The following DOCK5 variants were observed in gnomAD, a reference collection of about 807,000 sequenced individuals.
DOCK5 encodes the protein dedicator of cytokinesis 5.
DOCK5 carries 142 observed loss-of-function variants against 251.8 expected under a neutral mutation model. The ratio of observed to expected loss-of-function variants is 0.56; its 90% CI spans 0.49 to 0.65. DOCK5 has a LOEUF of 0.65. Ranked by LOEUF, DOCK5 falls within the 30% of genes least tolerant of loss-of-function variation. The pLI is 0.00. For missense variants in DOCK5, 2,111 were observed against 2,312.3 expected (o/e 0.91, Z 1.79); for synonymous variants, 842 against 835.5 (o/e 1.01, Z -0.13).
At chr8:25,364,412 T>C (rs149302659) in intron 29 of DOCK5, among the ~76,000 whole-genome samples, 2 of 152,352 alleles carry the variant, frequency 1.3e-5, no homozygotes, top group East Asian at 3.9e-4. Context: ...AATTGGGATG[T>C]GGCCCTGAGT....
chr8:25,376,275 G>C lies in DOCK5; in HGVS notation c.3817-1030G>C, dbSNP rs1419396739. 4.1e-6 allele frequency: 4 copies of C among 985,032 alleles called. No homozygotes were observed. In the African/African-American group the frequency reaches 7.0e-5, roughly 17 times the overall value. The allele number at this position is 985,032 out of a possible 1,614,324, so 61.0% of individuals were successfully genotyped here. A position where few individuals can be genotyped will look rare whatever the true frequency, so the allele number is the denominator to read the frequency against. On this transcript the variant is annotated intron_variant, in intron 37 of 51. Transcript: ENST00000276440. ...TCTCCTATCCTGGTGTAAGATATGAGGTATGAATGCAGCTTTTTTTCCCCC... is the reference window on the plus strand; with the variant it reads ...TCTCCTATCCTGGTGTAAGATATGACGTATGAATGCAGCTTTTTTTCCCCC...
intron 1 of DOCK5, among the ~76,000 whole-genome samples, chr8:25,240,522 T>C (rs1802915336): frequency 1.3e-5 from 2 of 152,204 alleles, no homozygotes; most frequent in East Asian, 3.9e-4. Context: ...ATAGATTTGC[T>C]AAATTCTGGA....
At chr8:25,345,943 G>A (rs1008995360) in intron 26 of DOCK5, among the ~76,000 whole-genome samples, 30 of 152,128 alleles carry the variant, frequency 2.0e-4, no homozygotes, top group African/African-American at 6.7e-4. Context: ...TCCGCCTCCC[G>A]GGTTCACGCC....
intron 10 of DOCK5, among the ~76,000 whole-genome samples, chr8:25,303,033 G>T (rs1453545659): frequency 6.6e-6 from 1 of 152,204 alleles, no homozygotes; most frequent in Non-Finnish European, 1.5e-5. Context: ...CCACTGAACG[G>T]AATACTTTAA....
chr8:25,411,292 C>G lies in DOCK5; in HGVS notation c.5607C>G (p.Ser1869=). Residue 1869 remains serine, a synonymous_variant, in exon 52 of 52, where the codon TCC becomes TCG. Coordinates refer to ENST00000276440, the MANE Select transcript of DOCK5 (RefSeq NM_024940.8). ...KSGIPTSEPG[S]Q is the part of the protein sequence containing the mutation. ...GCATCCCTACTTCCGAGCCTGGATC[C>G]CAGTAAGGATCTTGCCCTCCCTGCA... The G allele has an allele frequency of 6.5e-7, 1 of 1,542,948 alleles. No individual in the cohort carries two copies. Among genetic ancestry groups the G allele is most frequent in the Non-Finnish European group, 8.7e-7 (1 of 1,148,608 alleles).
In DOCK5 at chr8:25,262,419, C is replaced by A. The variant is rs73558490; in HGVS notation, c.128-6426C>A. Reference sequence around the variant, plus strand: ...CGTCAGCCCCCAAGTTCTCCTGTGTCCCTTTTCAGTCATCCCCATGCCACC... The same window carrying A: ...CGTCAGCCCCCAAGTTCTCCTGTGTACCTTTTCAGTCATCCCCATGCCACC... On this transcript the variant is annotated intron_variant, in intron 2 of 51. Transcript: ENST00000276440. 4.8e-3 allele frequency among the ~76,000 whole-genome samples: 727 copies of A among 152,250 alleles called. 6 individuals carry two copies. Among genetic ancestry groups the A allele is most frequent in the African/African-American group, 0.017 (687 of 41,542 alleles).
intron 1 of DOCK5, among the ~76,000 whole-genome samples, chr8:25,186,636 C>G (rs899096780): frequency 1.3e-5 from 2 of 152,090 alleles, no homozygotes; most frequent in African/African-American, 4.8e-5. Flanking sequence ...GCCTCGGCCT[C>G]CCAAAGTGTT....
chr8:25,318,410 ACTTT>A (rs1164767681), intron 14 of DOCK5, among the ~76,000 whole-genome samples: 1 of 150,350 alleles, frequency 6.7e-6, no homozygotes, highest in African/African-American at 2.4e-5. Flanking sequence ...GCTTTACTTT[ACTTT>A]CTTCTTTCTT....
chr8:25,334,877 A>G (rs956746901), intron 21 of DOCK5, among the ~76,000 whole-genome samples: 2 of 152,236 alleles, frequency 1.3e-5, no homozygotes, highest in Non-Finnish European at 2.9e-5. Flanking sequence ...ACCCTGTACC[A>G]CAAATGCTTT....
intron 1 of DOCK5, among the ~76,000 whole-genome samples, chr8:25,242,301 A>G (rs1802975363): frequency 6.6e-6 from 1 of 152,168 alleles, no homozygotes; most frequent in African/African-American, 2.4e-5. Context: ...GTTCTTATGT[A>G]GACACATGGC....
chr8:25,241,593 G>A (rs980835442), intron 1 of DOCK5, among the ~76,000 whole-genome samples: 3 of 152,166 alleles, frequency 2.0e-5, no homozygotes, highest in African/African-American at 7.2e-5. Context: ...AAACAGTGTG[G>A]TGATTCCTCA....
intron 2 of DOCK5, among the ~76,000 whole-genome samples, chr8:25,267,931 C>G (rs143663688): frequency 6.6e-6 from 1 of 151,626 alleles, no homozygotes; most frequent in Non-Finnish European, 1.5e-5. Context: ...GGTATAATCT[C>G]GGCTCACTGC....
Position 25,377,230 on chromosome 8 carries a change from T to C in DOCK5, c.3817-75T>C, listed in dbSNP as rs1800978490. On this transcript the variant is annotated intron_variant, in intron 37 of 51. Coordinates refer to ENST00000276440, the MANE Select transcript of DOCK5 (RefSeq NM_024940.8). ...ATACAAAATCAATGAGTCAAATATA[T>C]ATACAATATTTTCTTGATGTTGGGG... 2.7e-6 allele frequency: 4 copies of C among 1,490,608 alleles called. No homozygotes were observed. The Admixed American group carries it at 7.5e-5, about 28-fold the overall frequency. 92.3% of individuals were successfully genotyped at this position (1,490,608 alleles called of 1,614,324 possible). A position where few individuals can be genotyped will look rare whatever the true frequency, so the allele number is the denominator to read the frequency against.
chr8:25,320,338 A>T (rs1805390290), intron 15 of DOCK5, among the ~76,000 whole-genome samples: 1 of 152,212 alleles, frequency 6.6e-6, no homozygotes, highest in Non-Finnish European at 1.5e-5. Flanking sequence ...ACCATTTTCA[A>T]CAGTTTTCTA....
At chr8:25,245,014 G>A (rs559626388) in intron 2 of DOCK5, among the ~76,000 whole-genome samples, 5 of 152,242 alleles carry the variant, frequency 3.3e-5, no homozygotes, top group African/African-American at 1.2e-4. Flanking sequence ...ATCTTTTCCA[G>A]AATCTTTTGC....
At chr8:25,362,452 C>CTTTTTTT (rs1563216376) in intron 28 of DOCK5, among the ~76,000 whole-genome samples, 7 of 107,074 alleles carry the variant, frequency 6.5e-5, no homozygotes, top group African/African-American at 1.3e-4. Context: ...CTTTTCTTTT[C>CTTTTTTT]TTTTCTTTTC....
intron 45 of DOCK5, among the ~76,000 whole-genome samples, chr8:25,399,463 A>C (rs1272732807): frequency 6.6e-6 from 1 of 152,244 alleles, no homozygotes; most frequent in Admixed American, 6.5e-5. Context: ...TGATATAGCC[A>C]ATGTCACGGG....
At chr8:25,379,345 G>T (rs950203340) in intron 38 of DOCK5, among the ~76,000 whole-genome samples, 5 of 152,030 alleles carry the variant, frequency 3.3e-5, no homozygotes, top group African/African-American at 7.2e-5. Context: ...CTTTCCCAGG[G>T]TCTTAATATT....
intron 21 of DOCK5, among the ~76,000 whole-genome samples, chr8:25,335,799 TGG>T (rs1207912298): frequency 3.3e-5 from 5 of 152,196 alleles, no homozygotes; most frequent in Admixed American, 1.3e-4. Context: ...AGTTTCTATC[TGG>T]CTCCATATTG....
Sources: gnomAD v4.1 joint callset for allele counts (sites outside exome capture counted in the v4.1 genomes callset) on GRCh38, gnomAD v4.1.1 for gene constraint, MANE v1.5 for transcripts, NCBI Gene and HGNC (gene_info 2026-07-23, HGNC 2026-07-21) for gene names.